The following KIF13B variants were observed in gnomAD, a reference collection of about 807,000 sequenced individuals.
KIF13B encodes the protein kinesin-like protein KIF13B.
In KIF13B, 127 loss-of-function variants were observed where a neutral mutation model predicts 222.0. The ratio of observed to expected loss-of-function variants is 0.57; its 90% confidence interval spans 0.50 to 0.66. The LOEUF is 0.66. KIF13B is among the 30% of genes least tolerant of loss of function. The pLI, the probability that KIF13B is intolerant of heterozygous loss-of-function variation, is 0.00. For synonymous variants in KIF13B, 976 were observed against 919.0 expected (o/e 1.06, Z -1.12); for missense variants, 2,173 against 2,379.0 (o/e 0.91, Z 1.80).
At chr8:29,113,315 A>G (rs1292261390) in intron 32 of KIF13B, 148 bp downstream of exon 32, 7 of 534,320 alleles carry the variant, frequency 1.3e-5, no homozygotes, top group Non-Finnish European at 2.3e-5. Context: ...TTTACTATGA[A>G]TTGATATTAG....
At chr8:29,164,550 T>TA (rs1811909642) in intron 12 of KIF13B, among the ~76,000 whole-genome samples, 1 of 152,236 alleles carries the variant, frequency 6.6e-6, no homozygotes, top group South Asian at 2.1e-4. Flanking sequence ...CATCACCAGT[T>TA]ACTGTGTTTG....
chr8:29,081,804 C>G (rs1807827323), intron 37 of KIF13B, among the ~76,000 whole-genome samples: 2 of 152,206 alleles, frequency 1.3e-5, no homozygotes, highest in African/African-American at 4.8e-5. Context: ...GTTGAGATGG[C>G]ACATTAAAAT....
intron 32 of KIF13B, among the ~76,000 whole-genome samples, chr8:29,111,547 T>C (rs1809355044): frequency 6.6e-6 from 1 of 152,258 alleles, no homozygotes; most frequent in Admixed American, 6.5e-5. Context: ...AGCTTGGATG[T>C]TTAGCTAACT....
chr8:29,073,594 T>C (rs963235023), intron 38 of KIF13B, among the ~76,000 whole-genome samples: 19 of 152,308 alleles, frequency 1.2e-4, no homozygotes, highest in East Asian at 5.8e-4. Flanking sequence ...AGAAGAAATA[T>C]GTTTTCCGAT....
intron 12 of KIF13B, among the ~76,000 whole-genome samples, chr8:29,161,449 A>C (rs1811769013): frequency 6.6e-6 from 1 of 152,224 alleles, no homozygotes; most frequent in African/African-American, 2.4e-5. Flanking sequence ...TCATGCCTGT[A>C]ATCCCAGCAC....
At chr8:29,134,777 A>G (rs904964840) in intron 21 of KIF13B, among the ~76,000 whole-genome samples, 4 of 152,254 alleles carry the variant, frequency 2.6e-5, no homozygotes, top group African/African-American at 9.6e-5. Flanking sequence ...CCAGAAATGT[A>G]TAATTTAAAG....
chr8:29,217,739 A>G (rs773993133), intron 2 of KIF13B, among the ~76,000 whole-genome samples: 4 of 152,216 alleles, frequency 2.6e-5, no homozygotes, highest in African/African-American at 7.2e-5. Context: ...AAACTCCAGA[A>G]TAACAGCAGG....
At chr8:29,224,662 A>AC (rs141038221) in intron 2 of KIF13B, among the ~76,000 whole-genome samples, 5,452 of 145,988 alleles carry the variant, frequency 0.037, 134 homozygotes, top group African/African-American at 0.057. Context: ...TGTTTATAGA[A>AC]CCCCCCCCCA....
chr8:29,241,605 C>T (rs541515086), intron 2 of KIF13B, among the ~76,000 whole-genome samples: 4 of 149,942 alleles, frequency 2.7e-5, no homozygotes, highest in South Asian at 2.1e-4. Context: ...GCTGGTGGCA[C>T]GAACATGATG....
At chr8:29,085,148 T>C (rs974593640) in intron 37 of KIF13B, among the ~76,000 whole-genome samples, 5 of 152,164 alleles carry the variant, frequency 3.3e-5, no homozygotes, top group African/African-American at 7.2e-5. Context: ...TGATAAACAA[T>C]ATTAAGAAAA....
At chr8:29,237,887 G>T (rs1317052665) in intron 2 of KIF13B, among the ~76,000 whole-genome samples, 1 of 152,166 alleles carries the variant, frequency 6.6e-6, no homozygotes, top group Non-Finnish European at 1.5e-5. Context: ...TTTTTAAAGG[G>T]AGAGGCTGAG....
chr8:29,225,936 G>A (rs538139677), intron 2 of KIF13B, among the ~76,000 whole-genome samples: 4 of 152,362 alleles, frequency 2.6e-5, no homozygotes, highest in Non-Finnish European at 4.4e-5. Flanking sequence ...AGAACTCAAG[G>A]GTGAAGTGAG....
At chr8:29,160,016 T>A (rs11984793) in intron 13 of KIF13B, among the ~76,000 whole-genome samples, 5,410 of 152,174 alleles carry the variant, frequency 0.036, 326 homozygotes, top group African/African-American at 0.12. Context: ...TGTGTTAGAG[T>A]CGTGTAGTCC....
chr8:29,224,292 C>T (rs1030553890), intron 2 of KIF13B, among the ~76,000 whole-genome samples: 2 of 151,848 alleles, frequency 1.3e-5, no homozygotes, highest in African/African-American at 2.4e-5. Flanking sequence ...CGTGAGCCAC[C>T]GCGCCCGGCC....
intron 7 of KIF13B, among the ~76,000 whole-genome samples, 159 bp from the exon 8 acceptor site, chr8:29,180,397 A>G (rs1239830855): frequency 6.6e-6 from 1 of 152,204 alleles, no homozygotes; most frequent in East Asian, 1.9e-4. Flanking sequence ...CATGGAGTAC[A>G]ATAGCCAATA....
intron 5 of KIF13B, among the ~76,000 whole-genome samples, chr8:29,186,803 C>CAA (rs56325995): frequency 0.11 from 15,823 of 144,824 alleles, 1,020 homozygotes; most frequent in South Asian, 0.15. Flanking sequence ...TACTAAAATA[C>CAA]AAAAAAAAAA....
At chr8:29,189,954 G>A (rs1029745389) in intron 4 of KIF13B, 2 of 152,214 alleles carry the variant, frequency 1.3e-5, no homozygotes, top group Non-Finnish European at 2.9e-5. Context: ...AAACACGGGA[G>A]GGTGTTGTCT....
intron 10 of KIF13B, among the ~76,000 whole-genome samples, chr8:29,172,591 G>A (rs1330130874): frequency 6.6e-6 from 1 of 152,192 alleles, no homozygotes; most frequent in African/African-American, 2.4e-5. Flanking sequence ...GTAATATGAA[G>A]TGAGTATCCT....
chr8:29,130,740 T>C, intron 23 of KIF13B, 75 bp from the exon 24 acceptor site: 1 of 1,368,466 alleles, frequency 7.3e-7, no homozygotes, highest in Non-Finnish European at 1.0e-6. Context: ...CCTACACACA[T>C]AAGAATTAAC....
Sources: allele counts gnomAD v4.1 joint callset (sites outside exome capture counted in the v4.1 genomes callset), GRCh38; gene constraint gnomAD v4.1.1; transcripts MANE v1.5; gene names NCBI Gene and HGNC (gene_info 2026-07-23, HGNC 2026-07-21).